The following IL1RAPL1 variants were observed in gnomAD, a reference collection of about 807,000 sequenced individuals.
The protein encoded by IL1RAPL1 is interleukin 1 receptor accessory protein like 1.
Under a neutral mutation model 48.4 loss-of-function variants are expected in IL1RAPL1, and 3 were observed. That is an observed-to-expected ratio of 0.06 (90% CI 0.03 to 0.16). The LOEUF (loss-of-function observed/expected upper bound fraction) is 0.16, where lower values mean the gene tolerates loss of function less well. Ranked by LOEUF, IL1RAPL1 falls within the 10% of genes least tolerant of loss-of-function variation. The probability of loss-of-function intolerance (pLI) is 1.00; values close to 1 mark genes in which losing one functional copy is unlikely to be tolerated. For synonymous variants in IL1RAPL1, 185 were observed against 187.7 expected, an observed-to-expected ratio of 0.99 and a Z score of 0.12; for missense variants, 349 against 530.6, an observed-to-expected ratio of 0.66 and a Z score of 3.36.
chrX:28,692,918 G>C (rs1315745631), intron 1 of IL1RAPL1, among the ~76,000 whole-genome samples: 2 of 111,031 alleles, frequency 1.8e-5, no homozygotes, highest in African/African-American at 6.6e-5. Context: ...TACCTTTATG[G>C]AGTACAGTGT....
At chrX:29,771,228 A>G (rs1929058092) in intron 6 of IL1RAPL1, among the ~76,000 whole-genome samples, 1 of 112,143 alleles carries the variant, frequency 8.9e-6, no homozygotes, top group South Asian at 3.7e-4. Context: ...ATCATAGATT[A>G]TAGTATTCCG....
intron 2 of IL1RAPL1, among the ~76,000 whole-genome samples, chrX:29,224,493 T>C (rs927365555): frequency 9.0e-6 from 1 of 111,699 alleles, no homozygotes; most frequent in African/African-American, 3.2e-5. Context: ...GTTTGTATAG[T>C]TTTTATTCAG....
At position 29,751,222 on chromosome X, in the gene IL1RAPL1, C is replaced by A. The variant is rs1247855618; in HGVS notation, c.778+82718C>A. Among the ~76,000 whole-genome samples, 3 of 111,123 alleles carry A rather than the reference C, an allele frequency of 2.7e-5. No homozygotes were observed. The Admixed American group carries it at 2.9e-4, about 11-fold the overall frequency. ...ATTTCAGCAAATATGGGCTAAAAAC[C>A]TATGTGGCCACAAAATATTGATACA... On this transcript the variant is annotated intron_variant, in intron 6 of 10. Transcript: ENST00000378993.
chrX:28,854,443 A>G (rs1921750770), intron 2 of IL1RAPL1, among the ~76,000 whole-genome samples: 1 of 109,805 alleles, frequency 9.1e-6, no homozygotes, highest in South Asian at 3.9e-4. Flanking sequence ...GAAATTTAGG[A>G]AGATGTGAAG....
intron 5 of IL1RAPL1, among the ~76,000 whole-genome samples, chrX:29,563,480 G>A (rs781022895): frequency 3.6e-5 from 4 of 112,061 alleles, no homozygotes; most frequent in Non-Finnish European, 7.5e-5. Context: ...TTGAAAAAAG[G>A]TTAGGGCACC....
chrX:29,544,848 T>C (rs1446062833), intron 5 of IL1RAPL1, among the ~76,000 whole-genome samples: 3 of 109,900 alleles, frequency 2.7e-5, no homozygotes, highest in African/African-American at 1.0e-4. Context: ...AGAATGTGAC[T>C]GTATTTGGAG....
intron 2 of IL1RAPL1, among the ~76,000 whole-genome samples, chrX:28,937,333 C>T (rs1338647451): frequency 9.0e-6 from 1 of 110,595 alleles, no homozygotes. Flanking sequence ...ATGCTTGGGT[C>T]CTTAGGCTGT....
At chrX:29,644,857 A>T (rs1470484150) in intron 5 of IL1RAPL1, among the ~76,000 whole-genome samples, 1 of 112,376 alleles carries the variant, frequency 8.9e-6, no homozygotes, top group African/African-American at 3.2e-5. Context: ...AAGAGCCACC[A>T]CGCCCAGCCT....
intron 1 of IL1RAPL1, among the ~76,000 whole-genome samples, chrX:28,653,609 C>A (rs757727643): frequency 2.2e-3 from 243 of 111,959 alleles, no homozygotes; most frequent in African/African-American, 7.7e-3. Context: ...GACGTGCTCT[C>A]ACATTGCTAG....
intron 5 of IL1RAPL1, among the ~76,000 whole-genome samples, chrX:29,596,728 C>G (rs1923562205): frequency 8.9e-6 from 1 of 111,765 alleles, no homozygotes; most frequent in Non-Finnish European, 1.9e-5. Flanking sequence ...TTATTTCTTT[C>G]TCTTGTCTGA....
chrX:29,178,748 A>G (rs1337260598), intron 2 of IL1RAPL1, among the ~76,000 whole-genome samples: 5 of 111,858 alleles, frequency 4.5e-5, no homozygotes, highest in Non-Finnish European at 7.5e-5. Flanking sequence ...TTATGTCTTT[A>G]ATCCATCTTG....
rs749841452 is a variant in IL1RAPL1, at chrX:29,359,566, A to G, written c.363-36692A>G. 8.0e-5 allele frequency among the ~76,000 whole-genome samples: 9 copies of G among 111,986 alleles called. No individual in the cohort carries two copies. The South Asian group carries it at 1.1e-3, about 14-fold the overall frequency. On this transcript the variant is annotated intron_variant, in intron 3 of 10. Coordinates refer to ENST00000378993, the MANE Select transcript of IL1RAPL1 (RefSeq NM_014271.4). ...ATTCCTCCTCTGAAATGTGTTATTT[A>G]CATGGTTTTTTGTGTGTATTTTGCC... is the stretch of plus-strand genomic sequence containing the variant.
chrX:28,821,948 A>G (rs1936941708), intron 2 of IL1RAPL1, among the ~76,000 whole-genome samples: 2 of 111,311 alleles, frequency 1.8e-5, no homozygotes, highest in African/African-American at 6.5e-5. Context: ...AGTTTGAGTT[A>G]GAGGTTTTGA....
chrX:29,635,381 C>A (rs1469659349), intron 5 of IL1RAPL1, among the ~76,000 whole-genome samples: 1 of 111,886 alleles, frequency 8.9e-6, no homozygotes, highest in Non-Finnish European at 1.9e-5. Flanking sequence ...CCACTGACTT[C>A]TCAGGAGCAA....
At chrX:28,961,668 AG>A (rs750164623) in intron 2 of IL1RAPL1, among the ~76,000 whole-genome samples, 2 of 111,530 alleles carry the variant, frequency 1.8e-5, no homozygotes, top group South Asian at 7.6e-4. Context: ...GTCCCTGCAA[AG>A]GACATGAACT....
intron 3 of IL1RAPL1, among the ~76,000 whole-genome samples, chrX:29,386,987 A>G (rs1209081407): frequency 1.8e-5 from 2 of 112,648 alleles, no homozygotes; most frequent in African/African-American, 6.5e-5. Context: ...TTATGAAACA[A>G]CATCCTTTTT....
intron 6 of IL1RAPL1, among the ~76,000 whole-genome samples, chrX:29,914,542 G>A (rs1349302140): frequency 9.0e-6 from 1 of 111,591 alleles, no homozygotes; most frequent in Non-Finnish European, 1.9e-5. Flanking sequence ...ATAAAAGACA[G>A]TATAAATTAT....
At chrX:29,887,609 T>A (rs1280318460) in intron 6 of IL1RAPL1, among the ~76,000 whole-genome samples, 1 of 112,432 alleles carries the variant, frequency 8.9e-6, no homozygotes, top group East Asian at 2.8e-4. Flanking sequence ...GTATTTTGAT[T>A]TAACAGACTT....
chrX:29,378,772 T>C (rs1247503557), intron 3 of IL1RAPL1, among the ~76,000 whole-genome samples: 3 of 111,316 alleles, frequency 2.7e-5, no homozygotes, highest in Non-Finnish European at 5.6e-5. Context: ...TGCTCTGTGG[T>C]ATAGGGGGGA....
Sources: gnomAD v4.1 joint callset for allele counts (sites outside exome capture counted in the v4.1 genomes callset) on GRCh38, gnomAD v4.1.1 for gene constraint, MANE v1.5 for transcripts, NCBI Gene and HGNC (gene_info 2026-07-23, HGNC 2026-07-21) for gene names.